DHX36: variants seen among roughly 807,000 people sequenced by gnomAD.
DHX36 encodes DEAH-box helicase 36.
In DHX36, 50 loss-of-function variants were observed where a neutral mutation model predicts 139.0. The observed-to-expected ratio is 0.36, with a 90% CI of 0.29 to 0.46. The LOEUF (loss-of-function observed/expected upper bound fraction) is 0.46, where lower values mean the gene tolerates loss of function less well. DHX36 is among the 20% of genes least tolerant of loss of function. DHX36 has a pLI of 1.00. For synonymous variants in DHX36, 425 were observed against 401.9 expected (o/e 1.06, Z -0.69); for missense variants, 1,024 against 1,211.3 (o/e 0.85, Z 2.29).
At chr3:154,282,016 CTGT>C (rs1719349198) in intron 20 of DHX36, among the ~76,000 whole-genome samples, 1 of 152,110 alleles carries the variant, frequency 6.6e-6, no homozygotes, top group South Asian at 2.1e-4. Flanking sequence ...TCTTGAATGC[CTGT>C]TGTTTTTCTT....
At position 154,286,205 on chromosome 3, in the gene DHX36, C is replaced by T. The variant is rs796789696; in HGVS notation, c.2032-1218G>A. Among the ~76,000 whole-genome samples the T allele has an allele frequency of 1.3e-3, 156 of 121,852 alleles. 1 individual carries two copies. Among genetic ancestry groups the T allele is most frequent in the African/African-American group, 4.7e-3 (149 of 31,596 alleles). The allele number at this position is 121,852 out of a possible 152,430, so 79.9% of individuals were successfully genotyped here. ...AAAAAAAAAAAAACACCAACAAACA[C>T]TTTACTCTCAATGATTTGCTGATAG... On this transcript the variant is annotated intron_variant, in intron 17 of 24. Transcript: ENST00000496811.
chr3:154,306,253 T>C lies in DHX36; in HGVS notation c.856A>G (p.Ser286Gly). The C allele has an allele frequency of 1.2e-6, 2 of 1,613,796 alleles. No homozygotes were observed. Among genetic ancestry groups the C allele is most frequent in the Non-Finnish European group, 1.7e-6 (2 of 1,179,864 alleles). Residue 286 changes from serine (S) to glycine (G), a missense_variant, in exon 6 of 25, where the codon AGT becomes GGT. Physicochemically the swap from Ser to Gly is moderately conservative, Grantham distance 56. Around this residue, in one of 4 missense-constraint regions of DHX36, gnomAD observed 146 missense variants for 215.0 expected, o/e 0.68. Transcript: ENST00000496811. ...VAAERAESCG[S>G]GNSTGYQIRL... ...ATTTGATATCCAGTACTATTACCAC[T>C]GCCACAAGATTCTGCCCTTTCTGCA... is the stretch of plus-strand genomic sequence containing the variant.
chr3:154,288,486 T>G (rs1711640031), intron 17 of DHX36, among the ~76,000 whole-genome samples: 1 of 152,166 alleles, frequency 6.6e-6, no homozygotes, highest in Admixed American at 6.5e-5. Context: ...GGGAATGTTC[T>G]TCTTGATGTA....
chr3:154,318,916 A>G (rs1242019583), intron 1 of DHX36, among the ~76,000 whole-genome samples: 1 of 152,190 alleles, frequency 6.6e-6, no homozygotes, highest in Non-Finnish European at 1.5e-5. Context: ...TATGTGCCCC[A>G]GAGAAGTCTG....
rs3817166 is a variant in DHX36, at chr3:154,316,254, T to G, written c.244-91A>C. On this transcript the variant is annotated intron_variant, in intron 1 of 24. Coordinates refer to ENST00000496811, the MANE Select transcript of DHX36 (RefSeq NM_020865.3). ...ACTGAAGAAAATAAAGGCTAAGTAA[T>G]ATATGTTCAACAAATACATATAAAA... is the stretch of plus-strand genomic sequence containing the variant. 13 of 1,515,034 alleles carry G rather than the reference T, an allele frequency of 8.6e-6. No individual in the cohort carries two copies. In the East Asian group the frequency reaches 2.5e-4, roughly 30 times the overall value. 93.8% of individuals were successfully genotyped at this position (1,515,034 alleles called of 1,614,324 possible).
At chr3:154,289,914 G>T (rs1576862359) in intron 15 of DHX36, 88 bp from the exon 16 acceptor site, 100 of 725,758 alleles carry the variant, frequency 1.4e-4, no homozygotes, top group Non-Finnish European at 1.6e-5. Context: ...AGGCAGGGAA[G>T]TAGCCAATAT....
At chr3:154,314,223 C>A (rs988942075) in intron 3 of DHX36, among the ~76,000 whole-genome samples, 2 of 152,200 alleles carry the variant, frequency 1.3e-5, no homozygotes, top group Admixed American at 6.5e-5. Context: ...AAGAGCTACA[C>A]AATTTGGCCC....
Position 154,277,613 on chromosome 3 carries a change from C to T in DHX36, c.2673G>A (p.Lys891=), listed in dbSNP as rs1719191496. The T allele has an allele frequency of 2.5e-6, 4 of 1,610,338 alleles. No individual in the cohort carries two copies. In the African/African-American group the frequency reaches 5.3e-5, roughly 22 times the overall value. ...FHYNWLIYHL[K]MRTSSIYLYD... ...GTTCACTTACACTGCTTGTTCTCATCTTTAGGTGATAGATAAGCCAGTTGT... is the reference window on the plus strand; with the variant it reads ...GTTCACTTACACTGCTTGTTCTCATTTTTAGGTGATAGATAAGCCAGTTGT... Residue 891 remains lysine, a synonymous_variant, in exon 23 of 25, where the codon AAG becomes AAA. Coordinates refer to ENST00000496811, the MANE Select transcript of DHX36 (RefSeq NM_020865.3).
intron 6 of DHX36, among the ~76,000 whole-genome samples, chr3:154,305,643 G>A (rs1188432513): frequency 6.6e-6 from 1 of 152,050 alleles, no homozygotes; most frequent in East Asian, 1.9e-4. Flanking sequence ...GGTGTCCGCC[G>A]GTAGGCCCAG....
chr3:154,305,370 T>C (rs955870693), intron 6 of DHX36: 56 of 502,156 alleles, frequency 1.1e-4, no homozygotes, highest in African/African-American at 8.7e-4. Flanking sequence ...TTTGTTGTCA[T>C]TGATATAATG....
chr3:154,317,420 C>A (rs1292387946), intron 1 of DHX36, among the ~76,000 whole-genome samples: 1 of 151,880 alleles, frequency 6.6e-6, no homozygotes, highest in African/African-American at 2.4e-5. Flanking sequence ...CACAGAGACA[C>A]AGGAATTCTC....
intron 1 of DHX36, among the ~76,000 whole-genome samples, chr3:154,322,265 T>C (rs571713155): frequency 6.6e-6 from 1 of 152,336 alleles, no homozygotes; most frequent in African/African-American, 2.4e-5. Context: ...CATGTCAAGA[T>C]GCAACTGAAA....
rs1408797895 is a variant in DHX36, at chr3:154,315,068, T to C, written c.581A>G (p.Asp194Gly). Residue 194 changes from aspartate to glycine, a missense_variant, in exon 3 of 25, where the codon GAC becomes GGC. By Grantham distance (94) the Asp-to-Gly change is moderately conservative. Transcript: ENST00000496811. ...TACCTGCATTTCAATATACCGAAGG[T>C]CATTTTTTTTCTTTTGTAAATCTTC... ...LLEDLQKKKN[D>G]LRYIEMQHFR... 6.2e-7 allele frequency: 1 copy of C among 1,605,248 alleles called. No homozygotes were observed. Among genetic ancestry groups the C allele is most frequent in the Admixed American group, 1.7e-5 (1 of 58,650 alleles).
At chr3:154,319,520 C>T (rs1713110477) in intron 1 of DHX36, among the ~76,000 whole-genome samples, 1 of 152,150 alleles carries the variant, frequency 6.6e-6, no homozygotes, top group African/African-American at 2.4e-5. Context: ...TTATCCTTTT[C>T]TCTTTTCTTT....
chr3:154,312,893 ATATATAT>A lies in DHX36; in HGVS notation c.604-1226_604-1220del, dbSNP rs1559958804. ...TATATATATATATATATATATATATATATATATAAAATAAATAAAGAACTGTCTTTGG... is the reference window on the plus strand; with the variant it reads ...TATATATATATATATATATATATATAAAAATAAATAAAGAACTGTCTTTGG... On this transcript the variant is annotated intron_variant, in intron 3 of 24. Coordinates refer to ENST00000496811, the MANE Select transcript of DHX36 (RefSeq NM_020865.3). Among the ~76,000 whole-genome samples the A allele has an allele frequency of 4.7e-4, 51 of 109,584 alleles. 1 individual carries two copies. Among genetic ancestry groups the A allele is most frequent in the Middle Eastern group, 4.6e-3 (1 of 218 alleles). 71.9% of individuals were successfully genotyped at this position (109,584 alleles called of 152,430 possible).
At chr3:154,307,065 G>A (rs1447198044) in intron 5 of DHX36, among the ~76,000 whole-genome samples, 1 of 152,044 alleles carries the variant, frequency 6.6e-6, no homozygotes, top group East Asian at 1.9e-4. Flanking sequence ...CTACAAAAGT[G>A]TGTTATGACA....
intron 6 of DHX36, 109 bp downstream of exon 6, chr3:154,306,107 G>GT (rs1216662467): frequency 1.3e-6 from 1 of 776,722 alleles, no homozygotes; most frequent in African/African-American, 1.7e-5. Context: ...AATGGTAATT[G>GT]TAATAGTAAT....
intron 13 of DHX36, 86 bp from the exon 14 acceptor site, chr3:154,293,898 TG>T: frequency 1.1e-6 from 1 of 941,984 alleles, no homozygotes; most frequent in Non-Finnish European, 1.7e-6. Context: ...CCTCAGATAC[TG>T]TTCATTTTTA....
intron 11 of DHX36, 135 bp from the exon 12 acceptor site, chr3:154,300,060 T>C: frequency 6.4e-6 from 4 of 622,188 alleles, no homozygotes; most frequent in Non-Finnish European, 1.1e-5. Context: ...TAAAAGTATA[T>C]AAGCTTTTTT....
Sources: allele counts gnomAD v4.1 joint callset (sites outside exome capture counted in the v4.1 genomes callset), GRCh38; gene constraint gnomAD v4.1.1; regional missense constraint gnomAD v4.1.1; transcripts MANE v1.5; gene names NCBI Gene and HGNC (gene_info 2026-07-23, HGNC 2026-07-21).